The following VPS13A variants were observed in gnomAD, a reference collection of about 807,000 sequenced individuals.
VPS13A encodes the protein vacuolar protein sorting 13 homolog A.
In VPS13A, 264 loss-of-function variants were observed where a neutral mutation model predicts 390.9. That is an observed-to-expected ratio of 0.68 (90% CI 0.61 to 0.75). The LOEUF (loss-of-function observed/expected upper bound fraction) is 0.75, where lower values mean the gene tolerates loss of function less well. VPS13A is among the 30% of genes least tolerant of loss of function. The probability of loss-of-function intolerance (pLI) is 0.00; values close to 1 mark genes in which losing one functional copy is unlikely to be tolerated. For missense variants in VPS13A, 3,409 were observed against 3,733.9 expected (o/e 0.91, Z 2.27); for synonymous variants, 1,231 against 1,227.1 (o/e 1.00, Z -0.07).
chr9:77,209,590 T>C, intron 6 of VPS13A, 58 bp downstream of exon 6: 1 of 1,095,028 alleles, frequency 9.1e-7, no homozygotes. Context: ...TATTTTACTA[T>C]TTAATGACAC....
At chr9:77,208,603 G>A (rs1386846612) in intron 5 of VPS13A, among the ~76,000 whole-genome samples, 2 of 152,024 alleles carry the variant, frequency 1.3e-5, no homozygotes, top group Non-Finnish European at 2.9e-5. Flanking sequence ...AGGATGGAAT[G>A]CAGTGGTGTG....
chr9:77,372,662 G>C (rs1487268948), intron 67 of VPS13A, among the ~76,000 whole-genome samples: 3 of 152,200 alleles, frequency 2.0e-5, no homozygotes, highest in African/African-American at 7.2e-5. Context: ...AGGAAATAAA[G>C]GGTATTCAGT....
chr9:77,316,883 C>T (rs1829424692), intron 39 of VPS13A, among the ~76,000 whole-genome samples: 1 of 152,034 alleles, frequency 6.6e-6, no homozygotes, highest in Non-Finnish European at 1.5e-5. Flanking sequence ...TGATATTTTA[C>T]TCTCTAGTAA....
At position 77,308,088 on chromosome 9, in the gene VPS13A, C is replaced by T; in HGVS notation, c.4104C>T (p.His1368=). 1 of 1,613,856 alleles carries T rather than the reference C, an allele frequency of 6.2e-7. No individual in the cohort carries two copies. Among genetic ancestry groups the T allele is most frequent in the Non-Finnish European group, 8.5e-7 (1 of 1,179,872 alleles). The change falls in exon 35 of 72, where the codon CAC becomes CAT. Residue 1368 remains histidine, a synonymous_variant. Transcript: ENST00000360280. ...GTGGAGTTACTACTAATGCTTCACACCATTCAGGAGGTATGTTTTTAACTT... is the reference window on the plus strand; with the variant it reads ...GTGGAGTTACTACTAATGCTTCACATCATTCAGGAGGTATGTTTTTAACTT... ...ATSGVTTNAS[H]HSGGATVVTA... is the part of the protein sequence containing the mutation.
At chr9:77,298,594 A>G (rs1828150175) in intron 33 of VPS13A, among the ~76,000 whole-genome samples, 1 of 152,058 alleles carries the variant, frequency 6.6e-6, no homozygotes, top group Non-Finnish European at 1.5e-5. Context: ...ATTGAGACAA[A>G]ACTGAATTTT....
Position 77,221,297 on chromosome 9 carries a change from CTG to C in VPS13A, c.1104_1105del (p.Tyr369Ter). 2 of 1,613,314 alleles carry C rather than the reference CTG, an allele frequency of 1.2e-6. No individual in the cohort carries two copies. Among genetic ancestry groups the C allele is most frequent in the Non-Finnish European group, 1.7e-6 (2 of 1,179,508 alleles). On this transcript the variant is annotated frameshift_variant, in exon 13 of 72. Transcript: ENST00000360280. LOFTEE classifies it high-confidence loss of function. ...HRQKVKQYKE[L>X]YKKKLTSKKP... ...GCAAAAAGTGAAGCAATATAAAGAACTGTATAAAAAAAAGTTAACAAGTAAGA... is the reference window on the plus strand; with the variant it reads ...GCAAAAAGTGAAGCAATATAAAGAACTATAAAAAAAAGTTAACAAGTAAGA...
chr9:77,317,658 C>A lies in VPS13A; in HGVS notation c.4916C>A (p.Pro1639Gln). 1 of 1,601,428 alleles carries A rather than the reference C, an allele frequency of 6.2e-7. No individual in the cohort carries two copies. Among genetic ancestry groups the A allele is most frequent in the Non-Finnish European group, 8.5e-7 (1 of 1,173,396 alleles). Residue 1639 changes from proline (P) to glutamine (Q), a missense_variant, in exon 40 of 72, where the codon CCA (proline) becomes CAA (glutamine). Pro to Gln is a moderately conservative substitution (Grantham distance 76). Around this residue, in one of 5 missense-constraint regions of VPS13A, gnomAD observed 2,717 missense variants for 2,917.4 expected, o/e 0.93. Transcript: ENST00000360280. ...CAAACTACTCAGAAAGGTACAGATCCACAAGTGATCGATATGTCAGTAAAA... is the reference window on the plus strand; with the variant it reads ...CAAACTACTCAGAAAGGTACAGATCAACAAGTGATCGATATGTCAGTAAAA... ...FYQTTQKGTD[P>Q]QVIDMSVKSL... is the part of the protein sequence containing the mutation.
chr9:77,203,073 A>G (rs1825423712), intron 3 of VPS13A, among the ~76,000 whole-genome samples: 1 of 152,184 alleles, frequency 6.6e-6, no homozygotes, highest in African/African-American at 2.4e-5. Context: ...ATAGGAATGT[A>G]TGTCCCCTTG....
chr9:77,324,795 A>G (rs1391338587), intron 45 of VPS13A, among the ~76,000 whole-genome samples: 1 of 151,106 alleles, frequency 6.6e-6, no homozygotes, highest in Non-Finnish European at 1.5e-5. Flanking sequence ...TCCTATCTCA[A>G]CCTCCCGAGC....
rs1382231620 is a variant in VPS13A, at chr9:77,373,512, A to G, written c.9077+2363A>G. Reference sequence around the variant, plus strand: ...AAGATGGATTAAAGACTTAAACGTTAGACCTAAAACCATAAAAACCCTAGA... The same window carrying G: ...AAGATGGATTAAAGACTTAAACGTTGGACCTAAAACCATAAAAACCCTAGA... On this transcript the variant is annotated intron_variant, in intron 67 of 71. Coordinates refer to ENST00000360280, the MANE Select transcript of VPS13A (RefSeq NM_033305.3). 4.2e-3 allele frequency among the ~76,000 whole-genome samples: 575 copies of G among 135,966 alleles called. 5 individuals are homozygous for G. Among genetic ancestry groups the G allele is most frequent in the African/African-American group, 0.015 (558 of 37,978 alleles). 89.2% of individuals were successfully genotyped at this position (135,966 alleles called of 152,430 possible).
In VPS13A at chr9:77,393,319, G is replaced by A. The variant is rs190610798; in HGVS notation, c.9190-9917G>A. Among the ~76,000 whole-genome samples, 315 of 152,224 alleles carry A rather than the reference G, an allele frequency of 2.1e-3. 3 individuals carry two copies. Among genetic ancestry groups the A allele is most frequent in the Non-Finnish European group, 3.7e-3 (249 of 68,016 alleles). ...CATATCTGCAATTACTTCCTCCGCT[G>A]AAGTCTTGAACCCTCAAAGTCATCC... On this transcript the variant is annotated intron_variant, in intron 68 of 71. Transcript: ENST00000360280.
chr9:77,278,269 T>C (rs1383546176), intron 26 of VPS13A, among the ~76,000 whole-genome samples: 2 of 144,046 alleles, frequency 1.4e-5, no homozygotes, highest in African/African-American at 2.6e-5. Flanking sequence ...GTATTTTTAG[T>C]AGAGACGGGG....
intron 22 of VPS13A, among the ~76,000 whole-genome samples, chr9:77,256,143 G>A (rs12344244): frequency 2.6e-5 from 4 of 151,618 alleles, no homozygotes; most frequent in East Asian, 1.9e-4. Flanking sequence ...TATAAAGTCC[G>A]CTTTTGGCAG....
intron 28 of VPS13A, 60 bp downstream of exon 28, chr9:77,281,986 A>G: frequency 7.3e-7 from 1 of 1,365,946 alleles, no homozygotes; most frequent in Admixed American, 1.8e-5. Flanking sequence ...TTATTTTCTA[A>G]CTGGAATTGT....
chr9:77,250,148 A>T lies in VPS13A; in HGVS notation c.2089A>T (p.Asn697Tyr). ...ELPDVKQGEANLKEIMDRAYD... is the reference protein window; with the variant it reads ...ELPDVKQGEAYLKEIMDRAYD... The stretch of plus-strand genomic sequence containing the variant: ...ACCAGATGTGAAACAAGGTGAGGCC[A>T]ATCTTAAAGAGATAATGGATAGAGC... Residue 697 changes from asparagine to tyrosine, a missense_variant, in exon 21 of 72, where the codon AAT becomes TAT. Coordinates refer to ENST00000360280, the MANE Select transcript of VPS13A (RefSeq NM_033305.3). The T allele has an allele frequency of 6.2e-7, 1 of 1,613,970 alleles. No homozygotes were observed. Among genetic ancestry groups the T allele is most frequent in the Non-Finnish European group, 8.5e-7 (1 of 1,179,938 alleles).
rs1384645139 is a variant in VPS13A at position 77,280,367 on chromosome 9, T to C, written c.2904+129T>C. 3 of 687,328 alleles carry C rather than the reference T, an allele frequency of 4.4e-6. No individual in the cohort carries two copies. In the African/African-American group the frequency reaches 5.5e-5, roughly 13 times the overall value. 42.6% of individuals were successfully genotyped at this position (687,328 alleles called of 1,614,324 possible). A position where few individuals can be genotyped will look rare whatever the true frequency, so the allele number is the denominator to read the frequency against. On this transcript the variant is annotated intron_variant, in intron 27 of 71. Transcript: ENST00000360280. ...ATAATCTCTTTGTAACTCCTAATAC[T>C]AAGGTTTTTTTTATTTTGTCATCTT...
At chr9:77,391,082 A>G (rs534274097) in intron 68 of VPS13A, among the ~76,000 whole-genome samples, 55 of 151,784 alleles carry the variant, frequency 3.6e-4, no homozygotes, top group Middle Eastern at 6.8e-3. Context: ...CTAAAAGTGC[A>G]GTAAGTATTA....
At chr9:77,346,659 T>C (rs1054974423) in intron 52 of VPS13A, among the ~76,000 whole-genome samples, 9 of 152,370 alleles carry the variant, frequency 5.9e-5, no homozygotes, top group South Asian at 2.1e-4. Context: ...TTTCAGGTTC[T>C]ACATTTAAGT....
chr9:77,317,882 A>G (rs991325025), intron 40 of VPS13A, among the ~76,000 whole-genome samples, 184 bp downstream of exon 40: 7 of 151,968 alleles, frequency 4.6e-5, no homozygotes, highest in African/African-American at 1.4e-4. Context: ...ATGTTATTCT[A>G]TATTTTATTA....
Sources: allele counts gnomAD v4.1 joint callset (sites outside exome capture counted in the v4.1 genomes callset), GRCh38; gene constraint gnomAD v4.1.1; regional missense constraint gnomAD v4.1.1; transcripts MANE v1.5; gene names NCBI Gene and HGNC (gene_info 2026-07-23, HGNC 2026-07-21).